The following GNAQ variants were observed in gnomAD, a reference collection of about 807,000 sequenced individuals.
GNAQ encodes guanine nucleotide-binding protein G(q) subunit alpha.
GNAQ carries 8 observed loss-of-function variants against 43.9 expected under a neutral mutation model. The ratio of observed to expected loss-of-function variants is 0.18; its 90% confidence interval spans 0.11 to 0.33. GNAQ has a LOEUF of 0.33. Among genes scored for constraint, GNAQ ranks in the 10% least tolerant of loss-of-function variants. The pLI, the probability that GNAQ is intolerant of heterozygous loss-of-function variation, is 1.00. For synonymous variants in GNAQ, 155 were observed against 170.7 expected (o/e 0.91, Z 0.71); for missense variants, 158 against 450.8 (o/e 0.35, Z 5.88).
At chr9:78,016,013 CG>C (rs1187012837) in intron 1 of GNAQ, among the ~76,000 whole-genome samples, 2 of 151,832 alleles carry the variant, frequency 1.3e-5, no homozygotes, top group African/African-American at 2.4e-5. Context: ...GAAAAGAATA[CG>C]TTTTTTTCAA....
rs958848522 is a variant in GNAQ, at chr9:77,820,934, C to T, written c.322-5164G>A. Among the ~76,000 whole-genome samples the T allele has an allele frequency of 2.0e-5, 3 of 152,068 alleles. No homozygotes were observed. In the East Asian group the frequency reaches 5.8e-4, roughly 29 times the overall value. On this transcript the variant is annotated intron_variant, in intron 2 of 6. Coordinates refer to ENST00000286548, the MANE Select transcript of GNAQ (RefSeq NM_002072.5). ...TGCCTAGTACAAAATATTATAATTA[C>T]TATGAAATCTTGTGGTATCTCAAAA... is the stretch of plus-strand genomic sequence containing the variant.
chr9:77,857,280 T>G (rs958262628), intron 2 of GNAQ, among the ~76,000 whole-genome samples: 1 of 152,216 alleles, frequency 6.6e-6, no homozygotes, highest in African/African-American at 2.4e-5. Context: ...TTCAATCACT[T>G]TCAACAGGCA....
At chr9:77,956,627 A>G (rs1017834637) in intron 1 of GNAQ, among the ~76,000 whole-genome samples, 3 of 152,224 alleles carry the variant, frequency 2.0e-5, no homozygotes, top group African/African-American at 2.4e-5. Context: ...CCTCTCTTCA[A>G]TGGTGAGTAC....
intron 1 of GNAQ, among the ~76,000 whole-genome samples, chr9:78,029,293 T>TAA (rs200695330): frequency 6.8e-6 from 1 of 147,400 alleles, no homozygotes; most frequent in Non-Finnish European, 1.5e-5. Flanking sequence ...GGCAATAAAA[T>TAA]AAAAAAAAAA....
chr9:77,863,220 G>GGAAGGAAGGAAGGAAGGGAGGA (rs1564133751), intron 2 of GNAQ, among the ~76,000 whole-genome samples: 8 of 34,330 alleles, frequency 2.3e-4, no homozygotes, highest in African/African-American at 4.5e-4. Context: ...GGAAGGAAGG[G>GGAAGGAAGGAAGGAAGGGAGGA]AGGAAGGAAG....
chr9:77,995,429 A>C (rs1437511455), intron 1 of GNAQ, among the ~76,000 whole-genome samples: 1 of 152,190 alleles, frequency 6.6e-6, no homozygotes, highest in Non-Finnish European at 1.5e-5. Flanking sequence ...CATCAAAAAA[A>C]GTCTTCAGCA....
intron 1 of GNAQ, among the ~76,000 whole-genome samples, chr9:78,009,875 T>G (rs1423179705): frequency 6.6e-6 from 1 of 151,948 alleles, no homozygotes; most frequent in African/African-American, 2.4e-5. Flanking sequence ...CAGAAGACTA[T>G]GTACACATCA....
chr9:77,837,595 T>C (rs1827411046), intron 2 of GNAQ, among the ~76,000 whole-genome samples: 1 of 151,818 alleles, frequency 6.6e-6, no homozygotes, highest in African/African-American at 2.4e-5. Context: ...TTTCATCATA[T>C]GATTGATTTT....
intron 5 of GNAQ, among the ~76,000 whole-genome samples, chr9:77,758,645 C>T (rs1384341281): frequency 1.3e-5 from 2 of 152,076 alleles, no homozygotes; most frequent in African/African-American, 4.8e-5. Flanking sequence ...AACATATGTA[C>T]TTATGTATAT....
chr9:77,904,625 C>T (rs1346855676), intron 2 of GNAQ, among the ~76,000 whole-genome samples: 1 of 152,062 alleles, frequency 6.6e-6, no homozygotes, highest in Non-Finnish European at 1.5e-5. Context: ...AGTCACCGTG[C>T]CCGGCCCTGT....
chr9:77,760,950 G>A (rs1221184334), intron 5 of GNAQ, among the ~76,000 whole-genome samples: 1 of 151,642 alleles, frequency 6.6e-6, no homozygotes, highest in Admixed American at 6.6e-5. Flanking sequence ...CATCTGAGAA[G>A]GGAGGAGACC....
At chr9:77,728,226 C>T (rs902561053) in intron 6 of GNAQ, among the ~76,000 whole-genome samples, 19 of 152,160 alleles carry the variant, frequency 1.2e-4, no homozygotes, top group Non-Finnish European at 2.4e-4. Flanking sequence ...ATCGCTTGAC[C>T]TCGTGATCCG....
At chr9:77,758,382 A>G (rs1008915826) in intron 5 of GNAQ, among the ~76,000 whole-genome samples, 1 of 152,244 alleles carries the variant, frequency 6.6e-6, no homozygotes, top group Non-Finnish European at 1.5e-5. Context: ...ACATCATCAA[A>G]TAATACACTG....
intron 2 of GNAQ, among the ~76,000 whole-genome samples, chr9:77,873,158 TAGAAAC>T (rs1564137029): frequency 6.6e-6 from 1 of 152,198 alleles, no homozygotes; most frequent in East Asian, 1.9e-4. Context: ...AGCTGAAGAA[TAGAAAC>T]AGAACTGTAA....
chr9:77,962,044 C>T (rs1665806548), intron 1 of GNAQ, among the ~76,000 whole-genome samples: 1 of 151,672 alleles, frequency 6.6e-6, no homozygotes, highest in African/African-American at 2.4e-5. Context: ...ATGAAAAATA[C>T]AACAGATAGA....
At chr9:77,940,113 G>A (rs1443994340) in intron 1 of GNAQ, among the ~76,000 whole-genome samples, 1 of 152,192 alleles carries the variant, frequency 6.6e-6, no homozygotes, top group Non-Finnish European at 1.5e-5. Context: ...TTCTGGAATA[G>A]AAGAAGGTTG....
chr9:77,771,976 C>G (rs1826229323), intron 5 of GNAQ, among the ~76,000 whole-genome samples: 1 of 152,146 alleles, frequency 6.6e-6, no homozygotes, highest in Non-Finnish European at 1.5e-5. Context: ...GTGTGCCACT[C>G]TGCATTCACC....
At chr9:77,868,410 T>C (rs1403115887) in intron 2 of GNAQ, among the ~76,000 whole-genome samples, 2 of 152,242 alleles carry the variant, frequency 1.3e-5, no homozygotes, top group Non-Finnish European at 2.9e-5. Flanking sequence ...ATTAATGGAC[T>C]TACCTTTAAT....
At chr9:77,986,803 CTT>C (rs56978328) in intron 1 of GNAQ, among the ~76,000 whole-genome samples, 27,844 of 123,128 alleles carry the variant, frequency 0.23, 3,012 homozygotes, top group South Asian at 0.37. Context: ...GCACCTGGCC[CTT>C]TTTTTTTTTT....
Sources: allele counts gnomAD v4.1 joint callset (sites outside exome capture counted in the v4.1 genomes callset), GRCh38; gene constraint gnomAD v4.1.1; transcripts MANE v1.5; gene names NCBI Gene and HGNC (gene_info 2026-07-23, HGNC 2026-07-21).